WNK2: variants seen among roughly 807,000 people sequenced by gnomAD.
WNK2 encodes serine/threonine-protein kinase WNK2.
WNK2 carries 67 observed loss-of-function variants against 192.1 expected under a neutral mutation model. The observed-to-expected ratio is 0.35, with a 90% CI of 0.29 to 0.43. WNK2 has a LOEUF of 0.43. Ranked by LOEUF, WNK2 falls within the 20% of genes least tolerant of loss-of-function variation. The pLI is 1.00. For synonymous variants in WNK2, 1,439 were observed against 1,393.9 expected, an observed-to-expected ratio of 1.03 and a Z score of -0.72; for missense variants, 2,698 against 3,089.7, an observed-to-expected ratio of 0.87 and a Z score of 3.01.
chr9:93,309,213 G>A, intron 28 of WNK2: 15 of 869,804 alleles, frequency 1.7e-5, no homozygotes, highest in Non-Finnish European at 2.1e-5. Context: ...CTGGAGTTTT[G>A]TTTTTGTATT....
chr9:93,292,766 C>T lies in WNK2; in HGVS notation c.5301C>T (p.Tyr1767=), dbSNP rs1383807112. 4.5e-6 allele frequency: 7 copies of T among 1,562,086 alleles called. No individual in the cohort carries two copies. The highest frequency in any genetic ancestry group is 5.2e-6 in the Non-Finnish European group (6 of 1,154,720). The change falls in exon 23 of 30, where the codon TAC becomes TAT. Residue 1767 remains tyrosine, a synonymous_variant. Transcript: ENST00000427277. ...TGGCCTCCCCCCACAGCCTGAGATACTCTGCCCCACCCGACGTCTACCTGG... is the reference window on the plus strand; with the variant it reads ...TGGCCTCCCCCCACAGCCTGAGATATTCTGCCCCACCCGACGTCTACCTGG... ...WTLASPHSLR[Y]SAPPDVYLDE... is the part of the protein sequence containing the mutation.
At chr9:93,207,720 C>A (rs1027784901) in intron 2 of WNK2, among the ~76,000 whole-genome samples, 2 of 152,252 alleles carry the variant, frequency 1.3e-5, no homozygotes, top group Admixed American at 6.5e-5. Context: ...AGTCACGGGC[C>A]AGGATTGCAG....
chr9:93,240,119 T>C lies in WNK2; in HGVS notation c.1542+143T>C, dbSNP rs1588119355. The C allele has an allele frequency of 9.0e-6, 8 of 893,720 alleles. No homozygotes were observed. In the East Asian group the frequency reaches 2.1e-4, roughly 24 times the overall value. The allele number at this position is 893,720 out of a possible 1,614,324, so 55.4% of individuals were successfully genotyped here. A position where few individuals can be genotyped will look rare whatever the true frequency, so the allele number is the denominator to read the frequency against. ...GGTGTGGCGGTGCCATCCAGGCAGGTGTGGGCAGCTGAGGTCTCACAGCCT... is the reference window on the plus strand; with the variant it reads ...GGTGTGGCGGTGCCATCCAGGCAGGCGTGGGCAGCTGAGGTCTCACAGCCT... On this transcript the variant is annotated intron_variant, in intron 7 of 29. Coordinates refer to ENST00000427277, the MANE Select transcript of WNK2 (RefSeq NM_006648.4).
intron 8 of WNK2, among the ~76,000 whole-genome samples, chr9:93,251,042 C>T (rs2132600339): frequency 6.6e-6 from 1 of 152,106 alleles, no homozygotes; most frequent in Non-Finnish European, 1.5e-5. Flanking sequence ...CCGCCTCAGC[C>T]TCTCAAGGTG....
chr9:93,288,685 G>A (rs1848828941), intron 19 of WNK2, 103 bp from the exon 20 acceptor site: 1 of 1,189,256 alleles, frequency 8.4e-7, no homozygotes, highest in African/African-American at 1.6e-5. Flanking sequence ...CCAGCACGCT[G>A]GGGCCATGGC....
intron 18 of WNK2, 54 bp from the exon 19 acceptor site, chr9:93,268,573 T>A (rs1312658621): frequency 2.6e-6 from 4 of 1,568,340 alleles, no homozygotes; most frequent in Non-Finnish European, 2.6e-6. Context: ...GGGGTCACAC[T>A]GGCCTGGAAA....
intron 23 of WNK2, 106 bp downstream of exon 23, chr9:93,293,279 GC>G: frequency 8.8e-7 from 1 of 1,132,596 alleles, no homozygotes; most frequent in Non-Finnish European, 1.2e-6. Flanking sequence ...GCCAAGCAGC[GC>G]CCACTTGGAG....
Position 93,239,967 on chromosome 9 carries a change from C to A in WNK2, c.1533C>A (p.Ala511=). 1 of 1,610,276 alleles carries A rather than the reference C, an allele frequency of 6.2e-7. No homozygotes were observed. Among genetic ancestry groups the A allele is most frequent in the Non-Finnish European group, 8.5e-7 (1 of 1,178,320 alleles). ...DLEKETPDEV[A]QEMIESGFFH... ...AGAAGGAGACGCCGGATGAGGTGGC[C>A]CAAGAGATGGTAAGCAGGACTCAGA... Residue 511 remains alanine, a synonymous_variant, in exon 7 of 30, where the codon GCC becomes GCA. Coordinates refer to ENST00000427277, the MANE Select transcript of WNK2 (RefSeq NM_006648.4). The surrounding 1 kb of genome is among the most constrained non-coding windows in gnomAD (Gnocchi z 4.2).
rs146925886 is a variant in WNK2 at position 93,289,719 on chromosome 9, G to A, written c.4866+99G>A. On this transcript the variant is annotated intron_variant, in intron 20 of 29. Coordinates refer to ENST00000427277, the MANE Select transcript of WNK2 (RefSeq NM_006648.4). ...GCAGGCATCTTGGCTATGCAGAGCC[G>A]CCCTCACTCAGGGCCCGTCCCTCTC... 5,794 of 1,230,728 alleles carry A rather than the reference G, an allele frequency of 4.7e-3. 215 individuals carry two copies. The African/African-American group carries it at 0.079, about 17-fold the overall frequency. 76.2% of individuals were successfully genotyped at this position (1,230,728 alleles called of 1,614,324 possible).
chr9:93,243,609 G>A (rs1841157733), intron 7 of WNK2, among the ~76,000 whole-genome samples: 1 of 152,230 alleles, frequency 6.6e-6, no homozygotes, highest in Non-Finnish European at 1.5e-5. Flanking sequence ...GAACAGGGAA[G>A]GCAGGACCTC....
At chr9:93,302,389 G>A (rs1851764778) in intron 26 of WNK2, among the ~76,000 whole-genome samples, 2 of 151,970 alleles carry the variant, frequency 1.3e-5, no homozygotes, top group South Asian at 4.2e-4. Flanking sequence ...TGCAAGTAGA[G>A]GAGGAGCAGG....
At chr9:93,211,949 CTCACTCATACAT>C (rs1225239773) in intron 2 of WNK2, among the ~76,000 whole-genome samples, 1 of 151,996 alleles carries the variant, frequency 6.6e-6, no homozygotes, top group Non-Finnish European at 1.5e-5. Context: ...CACTCATCCA[CTCACTCATACAT>C]TCACTCACTC....
intron 19 of WNK2, among the ~76,000 whole-genome samples, chr9:93,277,051 A>G (rs1383094176): frequency 1.3e-5 from 2 of 151,924 alleles, no homozygotes; most frequent in Non-Finnish European, 2.9e-5. Flanking sequence ...AAAAAAAATG[A>G]GCAACTCACT....
intron 29 of WNK2, chr9:93,319,463 C>T (rs1233751619): frequency 1.0e-6 from 1 of 963,860 alleles, no homozygotes; most frequent in Non-Finnish European, 1.2e-6. Flanking sequence ...GCACGGTCAG[C>T]TCTGCTGGTC....
rs531933191 is a variant in WNK2, at chr9:93,229,510, G to A, written c.682-186G>A. Among the ~76,000 whole-genome samples, 6 of 152,210 alleles carry A rather than the reference G, an allele frequency of 3.9e-5. No homozygotes were observed. The South Asian group carries it at 1.2e-3, about 32-fold the overall frequency. ...TCCCTTTTTGGGGGCTGTGTCCAGG[G>A]TTGTGGGGACTAAGGAGTCAGCAGT... is the stretch of plus-strand genomic sequence containing the variant. On this transcript the variant is annotated intron_variant, in intron 2 of 29. Coordinates refer to ENST00000427277, the MANE Select transcript of WNK2 (RefSeq NM_006648.4). The surrounding 1 kb of genome is among the most constrained non-coding windows in gnomAD (Gnocchi z 4.9).
At chr9:93,193,903 A>G (rs762366930) in intron 2 of WNK2, among the ~76,000 whole-genome samples, 2 of 152,236 alleles carry the variant, frequency 1.3e-5, no homozygotes, top group African/African-American at 2.4e-5. Flanking sequence ...TGGTAAAAGA[A>G]CAGATGAGTT....
Position 93,220,867 on chromosome 9 carries a change from C to T in WNK2, c.682-8829C>T, listed in dbSNP as rs115400295. Among the ~76,000 whole-genome samples the T allele has an allele frequency of 3.9e-3, 593 of 152,298 alleles. 10 individuals are homozygous for T. Among genetic ancestry groups the T allele is most frequent in the African/African-American group, 0.014 (571 of 41,568 alleles). On this transcript the variant is annotated intron_variant, in intron 2 of 29. Coordinates refer to ENST00000427277, the MANE Select transcript of WNK2 (RefSeq NM_006648.4). ...AGCTGCACCCTGTCATGGTTCATTG[C>T]CTCAGGGGTGCCTGACCCAGCCTGG...
chr9:93,270,880 AT>A (rs1554724258), intron 19 of WNK2, among the ~76,000 whole-genome samples: 1 of 151,878 alleles, frequency 6.6e-6, no homozygotes, highest in Non-Finnish European at 1.5e-5. Context: ...AACCTGTCAC[AT>A]TTTTTTTCTC....
At chr9:93,215,183 G>A (rs572807085) in intron 2 of WNK2, among the ~76,000 whole-genome samples, 20 of 152,056 alleles carry the variant, frequency 1.3e-4, no homozygotes, top group East Asian at 3.9e-4. Context: ...GTGCAGTGGC[G>A]CGATCTCGGC....
Sources: gnomAD v4.1 joint callset for allele counts (sites outside exome capture counted in the v4.1 genomes callset) on GRCh38, gnomAD v4.1.1 for gene constraint, Gnocchi (gnomAD v3.1) non-coding constraint, MANE v1.5 for transcripts, NCBI Gene and HGNC (gene_info 2026-07-23, HGNC 2026-07-21) for gene names.